Variants in BFSP1 observed in about 807,000 individuals in gnomAD.
BFSP1 encodes beaded filament structural protein 1.
In BFSP1, 38 loss-of-function variants were observed where a neutral mutation model predicts 43.9. The ratio of observed to expected loss-of-function variants is 0.87; its 90% CI spans 0.67 to 1.14. The LOEUF (loss-of-function observed/expected upper bound fraction) is 1.14. Among genes scored for constraint, BFSP1 ranks in the 50% most tolerant of loss-of-function variants. BFSP1 has a pLI of 0.00. For synonymous variants in BFSP1, 352 were observed against 354.8 expected, an observed-to-expected ratio of 0.99 and a Z score of 0.09; for missense variants, 850 against 875.1, an observed-to-expected ratio of 0.97 and a Z score of 0.36.
chr20:17,501,674 G>A (rs576173890), intron 5 of BFSP1, among the ~76,000 whole-genome samples: 151 of 152,142 alleles, frequency 9.9e-4, no homozygotes, highest in African/African-American at 3.3e-3. Context: ...GAAAAGGTAC[G>A]TGTGCTAAGC....
intron 3 of BFSP1, among the ~76,000 whole-genome samples, chr20:17,512,948 C>T (rs1208900825): frequency 6.6e-6 from 1 of 152,188 alleles, no homozygotes; most frequent in Admixed American, 6.5e-5. Context: ...CCCCTGTCCC[C>T]AGCTCTGTAA....
chr20:17,537,599 G>A (rs917025529), intron 1 of BFSP1, among the ~76,000 whole-genome samples: 2 of 146,204 alleles, frequency 1.4e-5, no homozygotes, highest in Non-Finnish European at 3.0e-5. Flanking sequence ...ACAAATTTGT[G>A]TGACAGCAAG....
intron 7 of BFSP1, 102 bp from the exon 8 acceptor site, chr20:17,495,131 T>A: frequency 8.8e-7 from 1 of 1,135,880 alleles, no homozygotes; most frequent in Non-Finnish European, 1.2e-6. Flanking sequence ...AACAAACGCC[T>A]ATAGTACTAG....
intron 6 of BFSP1, among the ~76,000 whole-genome samples, chr20:17,498,561 C>T (rs2033711625): frequency 6.6e-6 from 1 of 152,144 alleles, no homozygotes; most frequent in Non-Finnish European, 1.5e-5. Flanking sequence ...TCTGACCACC[C>T]TACTTAAAAC....
At chr20:17,542,748 G>GTATT (rs2034739475) in intron 1 of BFSP1, among the ~76,000 whole-genome samples, 1 of 152,162 alleles carries the variant, frequency 6.6e-6, no homozygotes, top group Non-Finnish European at 1.5e-5. Flanking sequence ...TGTTTAACAT[G>GTATT]GAACCCTAAA....
At chr20:17,504,133 C>T (rs985674301) in intron 5 of BFSP1, among the ~76,000 whole-genome samples, 3 of 152,142 alleles carry the variant, frequency 2.0e-5, no homozygotes, top group South Asian at 2.1e-4. Flanking sequence ...TGGAACACTG[C>T]GGGAGGAGCT....
At chr20:17,568,991 C>T (rs2035156285) in intron 1 of BFSP1, among the ~76,000 whole-genome samples, 1 of 152,176 alleles carries the variant, frequency 6.6e-6, no homozygotes, top group Non-Finnish European at 1.5e-5. Context: ...AACCGTGTTT[C>T]CGACGCAACC....
At chr20:17,551,514 A>G (rs1411491780) in intron 1 of BFSP1, among the ~76,000 whole-genome samples, 1 of 152,182 alleles carries the variant, frequency 6.6e-6, no homozygotes, top group Non-Finnish European at 1.5e-5. Context: ...ACAACATCCA[A>G]ACTATATCAG....
At chr20:17,557,303 C>A (rs1037815757) in intron 1 of BFSP1, among the ~76,000 whole-genome samples, 15 of 152,194 alleles carry the variant, frequency 9.9e-5, no homozygotes, top group Non-Finnish European at 2.1e-4. Flanking sequence ...AGATACGCTT[C>A]CCAGCAGCTG....
chr20:17,531,372 T>C lies in BFSP1; in HGVS notation c.-43A>G. 7.6e-7 allele frequency: 1 copy of C among 1,311,084 alleles called. No homozygotes were observed. The highest frequency in any genetic ancestry group is 2.0e-5 in the South Asian group (1 of 50,958). The allele number at this position is 1,311,084 out of a possible 1,614,324, so 81.2% of individuals were successfully genotyped here. ...CGCGCGGGCGGCGCCGAGCCGGCTCTCCAGGAGGCCCCCGGCGCAGCCCGC... is the reference window on the plus strand; with the variant it reads ...CGCGCGGGCGGCGCCGAGCCGGCTCCCCAGGAGGCCCCCGGCGCAGCCCGC... On this transcript the variant is annotated 5_prime_UTR_variant, in exon 1 of 8. Coordinates refer to ENST00000377873, the MANE Select transcript of BFSP1 (RefSeq NM_001195.5).
intron 2 of BFSP1, among the ~76,000 whole-genome samples, chr20:17,517,945 C>T (rs1417087353): frequency 2.0e-5 from 3 of 152,116 alleles, no homozygotes; most frequent in Non-Finnish European, 4.4e-5. Flanking sequence ...AGGGTGAATC[C>T]CCAGGTAAGG....
intron 1 of BFSP1, 42 bp downstream of exon 1, chr20:17,530,911 G>GTTT: frequency 7.3e-7 from 1 of 1,363,770 alleles, no homozygotes; most frequent in Non-Finnish European, 9.4e-7. Context: ...CGCCGGGACG[G>GTTT]CCCACGCCCT....
intron 6 of BFSP1, 58 bp downstream of exon 6, chr20:17,498,762 A>G: frequency 6.4e-7 from 1 of 1,562,620 alleles, no homozygotes; most frequent in African/African-American, 1.4e-5. Flanking sequence ...CACAATAGGC[A>G]CTCAATAAAG....
At chr20:17,558,640 A>C (rs1172600501) in intron 1 of BFSP1, 23 of 1,541,442 alleles carry the variant, frequency 1.5e-5, no homozygotes, top group Non-Finnish European at 2.0e-5. Context: ...CAAAAAGAAA[A>C]AATGCTAAAC....
chr20:17,525,464 T>C lies in BFSP1; in HGVS notation c.378-556A>G, dbSNP rs930562367. On this transcript the variant is annotated intron_variant, in intron 1 of 7. Coordinates refer to ENST00000377873, the MANE Select transcript of BFSP1 (RefSeq NM_001195.5). This position sits in a 1 kb window ranked among gnomAD's most constrained non-coding sequence, Gnocchi z 4.2. Reference sequence around the variant, plus strand: ...GGCAGATGCTCCGCACACTTTTCCCTCCTCCCAGCAGCATCACTCCCCACA... The same window carrying C: ...GGCAGATGCTCCGCACACTTTTCCCCCCTCCCAGCAGCATCACTCCCCACA... Among the ~76,000 whole-genome samples, 1 of 152,128 alleles carries C rather than the reference T, an allele frequency of 6.6e-6. No homozygotes were observed. The highest frequency in any genetic ancestry group is 1.5e-5 in the Non-Finnish European group (1 of 68,022).
chr20:17,517,412 T>C (rs1468465382), intron 2 of BFSP1: 2 of 704,482 alleles, frequency 2.8e-6, no homozygotes, highest in Admixed American at 1.9e-5. Context: ...GCCTCCCAAG[T>C]AGCTGGGACT....
chr20:17,513,426 G>T (rs1042094454), intron 3 of BFSP1, among the ~76,000 whole-genome samples: 2 of 152,148 alleles, frequency 1.3e-5, no homozygotes, highest in African/African-American at 2.4e-5. Flanking sequence ...ATCCTAAATG[G>T]CCTGGAAGAA....
intron 1 of BFSP1, 71 bp downstream of exon 1, chr20:17,530,882 C>G (rs2034518553): frequency 6.1e-6 from 8 of 1,310,178 alleles, no homozygotes; most frequent in East Asian, 3.1e-5. Flanking sequence ...ATGGTAGCAG[C>G]GTGCTCCCAG....
chr20:17,522,753 A>C (rs746120404), intron 2 of BFSP1, among the ~76,000 whole-genome samples: 1 of 152,200 alleles, frequency 6.6e-6, no homozygotes, highest in Non-Finnish European at 1.5e-5. Context: ...CATATACATT[A>C]TTACATCATT....
Sources: gnomAD v4.1 joint callset for allele counts (sites outside exome capture counted in the v4.1 genomes callset) on GRCh38, gnomAD v4.1.1 for gene constraint, Gnocchi (gnomAD v3.1) non-coding constraint, MANE v1.5 for transcripts, NCBI Gene and HGNC (gene_info 2026-07-23, HGNC 2026-07-21) for gene names.